The following PBX4 variants were observed in gnomAD, a reference collection of about 807,000 sequenced individuals.
PBX4 encodes pre-B-cell leukemia transcription factor 4.
A neutral mutation model predicts 35.1 loss-of-function variants in PBX4; 26 were observed. That is an observed-to-expected ratio of 0.74 (90% CI 0.54 to 1.03). PBX4 has a LOEUF of 1.03. PBX4 is among the 50% of genes least tolerant of loss of function. The probability of loss-of-function intolerance (pLI) is 0.00; values close to 1 mark genes in which losing one functional copy is unlikely to be tolerated. For synonymous variants in PBX4, 199 were observed against 204.2 expected (o/e 0.97, Z 0.22); for missense variants, 448 against 504.3 (o/e 0.89, Z 1.07).
At chr19:19,594,234 T>C (rs2061547283) in intron 2 of PBX4, among the ~76,000 whole-genome samples, 1 of 151,794 alleles carries the variant, frequency 6.6e-6, no homozygotes, top group African/African-American at 2.4e-5. Context: ...GGTGAAACCC[T>C]GTCTCTACTA....
At chr19:19,609,031 A>G (rs10416924) in intron 1 of PBX4, among the ~76,000 whole-genome samples, 67,328 of 152,064 alleles carry the variant, frequency 0.44, 15,258 homozygotes, top group African/African-American at 0.52. Context: ...TGTACTTTTA[A>G]AAGTGTCCTG....
At chr19:19,567,000 TG>T (rs1208129721) in intron 5 of PBX4, among the ~76,000 whole-genome samples, 1 of 152,172 alleles carries the variant, frequency 6.6e-6, no homozygotes, top group Non-Finnish European at 1.5e-5. Flanking sequence ...TGAGCCACCA[TG>T]CCTGGCCAAC....
intron 1 of PBX4, among the ~76,000 whole-genome samples, chr19:19,610,601 A>C (rs563808888): frequency 1.4e-4 from 21 of 151,908 alleles, no homozygotes; most frequent in African/African-American, 5.1e-4. Context: ...AAATATGAAA[A>C]TTAGCCGGGT....
At chr19:19,600,433 A>G (rs897000047) in intron 1 of PBX4, among the ~76,000 whole-genome samples, 21 of 151,632 alleles carry the variant, frequency 1.4e-4, no homozygotes, top group African/African-American at 4.8e-4. Flanking sequence ...CTGAGACAGG[A>G]GGATGGCTTG....
intron 2 of PBX4, chr19:19,588,286 C>A: frequency 2.6e-6 from 3 of 1,163,542 alleles, no homozygotes; most frequent in Non-Finnish European, 3.9e-6. Flanking sequence ...ATCACATATG[C>A]ACACCAGAGT....
At chr19:19,604,835 C>T (rs1272005706) in intron 1 of PBX4, among the ~76,000 whole-genome samples, 1 of 151,898 alleles carries the variant, frequency 6.6e-6, no homozygotes, top group East Asian at 2.0e-4. Flanking sequence ...CTCCTGACCT[C>T]ATGATCCACT....
rs571531014 is a variant in PBX4, at chr19:19,561,948, G to A, written c.*77C>T. ...ATCTGGGTTTTCTGAGGTCGTCGGCGGCACGTTCAGTAACAAAGCAACGGC... is the reference window on the plus strand; with the variant it reads ...ATCTGGGTTTTCTGAGGTCGTCGGCAGCACGTTCAGTAACAAAGCAACGGC... On this transcript the variant is annotated 3_prime_UTR_variant, in exon 8 of 8. Transcript: ENST00000251203. 4 of 1,307,870 alleles carry A rather than the reference G, an allele frequency of 3.1e-6. No homozygotes were observed. Among genetic ancestry groups the A allele is most frequent in the South Asian group, 2.7e-5 (2 of 73,004 alleles). The allele number at this position is 1,307,870 out of a possible 1,614,324, so 81.0% of individuals were successfully genotyped here. A position where few individuals can be genotyped will look rare whatever the true frequency, so the allele number is the denominator to read the frequency against.
chr19:19,583,247 C>T (rs1238963857), intron 2 of PBX4, among the ~76,000 whole-genome samples: 1 of 151,972 alleles, frequency 6.6e-6, no homozygotes, highest in East Asian at 1.9e-4. Context: ...CCATTGCACT[C>T]CAGCCTGGGC....
chr19:19,603,570 C>A (rs981902232), intron 1 of PBX4, among the ~76,000 whole-genome samples: 72 of 152,164 alleles, frequency 4.7e-4, no homozygotes, highest in African/African-American at 1.7e-3. Flanking sequence ...CGGTGCCCAG[C>A]CTGTTGTCTT....
rs964854014 is a variant in PBX4, at chr19:19,563,376, C to T, written c.1032+133G>A. ...TGCAGAGCTGTGCCCCAGAGGTGGC[C>T]GCGCAGCATGGCCTGTGTGGCTGCT... is the stretch of plus-strand genomic sequence containing the variant. On this transcript the variant is annotated intron_variant, in intron 7 of 7. Transcript: ENST00000251203. The surrounding 1 kb of genome is among the most constrained non-coding windows in gnomAD (Gnocchi z 5.1). The T allele has an allele frequency of 1.2e-4, 77 of 665,614 alleles. 1 individual carries two copies. The highest frequency in any genetic ancestry group is 4.2e-4 in the Admixed American group (14 of 33,138). The allele number at this position is 665,614 out of a possible 1,614,324, so 41.2% of individuals were successfully genotyped here. A position where few individuals can be genotyped will look rare whatever the true frequency, so the allele number is the denominator to read the frequency against.
chr19:19,597,332 A>G, intron 2 of PBX4, among the ~76,000 whole-genome samples: 1 of 152,226 alleles, frequency 6.6e-6, no homozygotes, highest in Non-Finnish European at 1.5e-5. Context: ...TAGTCACCAG[A>G]TCTCTTCTGA....
At chr19:19,601,140 T>G (rs1266498802) in intron 1 of PBX4, among the ~76,000 whole-genome samples, 1 of 152,174 alleles carries the variant, frequency 6.6e-6, no homozygotes, top group Non-Finnish European at 1.5e-5. Context: ...TGGGGTCACA[T>G]GACAGTGATG....
chr19:19,599,855 C>G (rs776351984), intron 1 of PBX4, among the ~76,000 whole-genome samples: 169 of 144,490 alleles, frequency 1.2e-3, no homozygotes, highest in Non-Finnish European at 1.8e-3. Context: ...CACCTGTAAT[C>G]CCAGTTACTC....
At chr19:19,588,394 A>T (rs1458191503) in intron 2 of PBX4, 3 of 1,352,510 alleles carry the variant, frequency 2.2e-6, no homozygotes, top group Non-Finnish European at 3.2e-6. Flanking sequence ...GCAAAAGATC[A>T]AATCAGGATG....
At position 19,562,088 on chromosome 19, in the gene PBX4, G is replaced by T. The variant is rs773575047; in HGVS notation, c.1062C>A (p.Pro354=). The part of the protein sequence containing the change: ...QAQGSWQGAT[P]QPATASPAGD... ...CAGCAGGTGAGGCAGTTGCAGGTTG[G>T]GGGGTGGCCCCCTGCCAGCTACCCT... Residue 354 remains proline, a synonymous_variant, in exon 8 of 8, where the codon CCC becomes CCA. Coordinates refer to ENST00000251203, the MANE Select transcript of PBX4 (RefSeq NM_025245.3). The surrounding 1 kb of genome is among the most constrained non-coding windows in gnomAD (Gnocchi z 4.8). The T allele has an allele frequency of 2.5e-6, 4 of 1,612,630 alleles. No individual in the cohort carries two copies. The highest frequency in any genetic ancestry group is 3.4e-6 in the Non-Finnish European group (4 of 1,179,518).
chr19:19,600,783 C>T (rs2061592506), intron 1 of PBX4, among the ~76,000 whole-genome samples: 1 of 134,824 alleles, frequency 7.4e-6, no homozygotes, highest in East Asian at 2.2e-4. Context: ...CACCAGTGAA[C>T]TCCAGCCTGG....
At chr19:19,582,080 G>A (rs2061457927) in intron 2 of PBX4, among the ~76,000 whole-genome samples, 1 of 152,078 alleles carries the variant, frequency 6.6e-6, no homozygotes, top group South Asian at 2.1e-4. Context: ...AGAACCCAAG[G>A]CCCCCTACCT....
chr19:19,575,190 T>C (rs1477232507), intron 2 of PBX4, among the ~76,000 whole-genome samples: 1 of 150,850 alleles, frequency 6.6e-6, no homozygotes, highest in Non-Finnish European at 1.5e-5. Context: ...TGAGCCGAGA[T>C]TGCGCCACTG....
chr19:19,609,345 T>A (rs1296998891), intron 1 of PBX4, among the ~76,000 whole-genome samples: 1 of 144,188 alleles, frequency 6.9e-6, no homozygotes, highest in Non-Finnish European at 1.5e-5. Flanking sequence ...AGGTCAGGAG[T>A]TGGAGACCAG....
Sources: gnomAD v4.1 joint callset for allele counts (sites outside exome capture counted in the v4.1 genomes callset) on GRCh38, gnomAD v4.1.1 for gene constraint, Gnocchi (gnomAD v3.1) non-coding constraint, MANE v1.5 for transcripts, NCBI Gene and HGNC (gene_info 2026-07-23, HGNC 2026-07-21) for gene names.